The following PRSS38 variants were observed in gnomAD, a reference collection of about 807,000 sequenced individuals.
The protein encoded by PRSS38 is marapsin 2.
A neutral mutation model predicts 26.8 loss-of-function variants in PRSS38; 22 were observed. That is an observed-to-expected ratio of 0.82 (90% CI 0.59 to 1.17). The LOEUF (loss-of-function observed/expected upper bound fraction) is 1.17. Among genes scored for constraint, PRSS38 ranks in the 50% most tolerant of loss-of-function variants. The pLI, the probability that PRSS38 is intolerant of heterozygous loss-of-function variation, is 0.00. For synonymous variants in PRSS38, 175 were observed against 172.1 expected (o/e 1.02, Z -0.13); for missense variants, 427 against 422.7 (o/e 1.01, Z -0.09).
chr1:227,815,726 C>A, exon 1 of PRSS38: 1 of 1,591,436 alleles, frequency 6.3e-7, no homozygotes, highest in Non-Finnish European at 8.6e-7. Flanking sequence ...CATGGCTGCC[C>A]CTGCTTCCGT....
At chr1:227,823,509 A>G (rs1157886096) in intron 3 of PRSS38, among the ~76,000 whole-genome samples, 1 of 152,086 alleles carries the variant, frequency 6.6e-6, no homozygotes, top group Non-Finnish European at 1.5e-5. Flanking sequence ...CTCATGTTAA[A>G]ATGTGCTCCC....
At chr1:227,817,583 T>C in intron 3 of PRSS38, 103 bp downstream of exon 3, 1 of 1,143,746 alleles carries the variant, frequency 8.7e-7, no homozygotes, top group Non-Finnish European at 1.3e-6. Flanking sequence ...GTTTGGGGAC[T>C]GGAATCCCCA....
At chr1:227,833,536 A>G (rs994120581) in intron 3 of PRSS38, among the ~76,000 whole-genome samples, 2 of 152,164 alleles carry the variant, frequency 1.3e-5, no homozygotes, top group Non-Finnish European at 2.9e-5. Context: ...TCAAAAAAAA[A>G]AAGCAACGTT....
At chr1:227,844,713 A>C (rs1396164772) in intron 3 of PRSS38, among the ~76,000 whole-genome samples, 8 of 114,274 alleles carry the variant, frequency 7.0e-5, no homozygotes, top group African/African-American at 1.4e-4. Flanking sequence ...AGGACTCCTC[A>C]CTGTGTGATG....
chr1:227,839,704 C>T (rs1050495122), intron 3 of PRSS38, among the ~76,000 whole-genome samples: 15 of 152,140 alleles, frequency 9.9e-5, no homozygotes, highest in African/African-American at 3.1e-4. Flanking sequence ...CTGACATCCT[C>T]GATGTGCCAC....
At chr1:227,845,999 T>C (rs1041087851) in exon 5 of PRSS38, 2 of 1,614,198 alleles carry the variant, frequency 1.2e-6, no homozygotes, top group Non-Finnish European at 1.7e-6. Context: ...CCGCAGCTGG[T>C]TGCAGATTGG....
rs747882982 is a variant in PRSS38 at position 227,845,499 on chromosome 1, C to T, written c.613C>T (p.Gln205Ter). 8.1e-6 allele frequency: 13 copies of T among 1,612,192 alleles called. No homozygotes were observed. Among genetic ancestry groups the T allele is most frequent in the Non-Finnish European group, 9.3e-6 (11 of 1,179,332 alleles). Residue 205 changes from glutamine (Q) to a stop codon, truncating the protein, a stop_gained, in exon 4 of 5, where the codon CAG becomes TAG. Coordinates refer to ENST00000366757, the Ensembl canonical transcript of PRSS38. LOFTEE classifies it high-confidence loss of function. ...GACCTCAGACGAGCTGCAGGAGATG[C>T]AGCTCCCGCTGATCCTGGAGCCCTG...
chr1:227,834,529 C>A (rs1056010482), intron 3 of PRSS38, among the ~76,000 whole-genome samples: 1 of 151,982 alleles, frequency 6.6e-6, no homozygotes, highest in Admixed American at 6.6e-5. Flanking sequence ...ATTAGCCGGG[C>A]GTGGTGGTGT....
In PRSS38 at chr1:227,834,820, C is replaced by T. The variant is rs368472965; in HGVS notation, c.584-10650C>T. ...ACTCCAGCCTAGGTAGGTAACAGAC[C>T]TAAATTGTCTCAAAAAAAATTGATA... On this transcript the variant is annotated intron_variant, in intron 3 of 4. Coordinates refer to ENST00000366757, the Ensembl canonical transcript of PRSS38. Among the ~76,000 whole-genome samples, 80 of 152,086 alleles carry T rather than the reference C, an allele frequency of 5.3e-4. 2 individuals are homozygous for T. The South Asian group carries it at 0.017, about 32-fold the overall frequency.
At chr1:227,836,426 G>A (rs1300393934) in intron 3 of PRSS38, among the ~76,000 whole-genome samples, 55 of 3,924 alleles carry the variant, frequency 0.014, 24 homozygotes, top group Non-Finnish European at 0.034. Flanking sequence ...GGTGGCTCAC[G>A]CCTGTAATCC....
In PRSS38 at chr1:227,816,331, G is replaced by C; in HGVS notation, c.311+79G>C. ...CCACAGCGGCTTGGATGGACCCCAC[G>C]CAAGCCTCCCCCATCACCATTGTCG... On this transcript the variant is annotated intron_variant, in intron 2 of 4. Transcript: ENST00000366757. The surrounding 1 kb of genome is among the most constrained non-coding windows in gnomAD (Gnocchi z 5.1). 1.4e-6 allele frequency: 2 copies of C among 1,423,848 alleles called. No homozygotes were observed. The highest frequency in any genetic ancestry group is 9.6e-7 in the Non-Finnish European group (1 of 1,037,822). The allele number at this position is 1,423,848 out of a possible 1,614,324, so 88.2% of individuals were successfully genotyped here.
chr1:227,832,905 G>A (rs1273850799), intron 3 of PRSS38, among the ~76,000 whole-genome samples: 1 of 151,966 alleles, frequency 6.6e-6, no homozygotes, highest in Non-Finnish European at 1.5e-5. Context: ...AATTCAAAAA[G>A]GAAATTAAGA....
At chr1:227,839,550 T>G (rs1665286695) in intron 3 of PRSS38, among the ~76,000 whole-genome samples, 1 of 152,196 alleles carries the variant, frequency 6.6e-6, no homozygotes, top group Non-Finnish European at 1.5e-5. Flanking sequence ...AACAAATTTT[T>G]AAAAGGTCTT....
intron 3 of PRSS38, among the ~76,000 whole-genome samples, chr1:227,829,090 A>G (rs760869796): frequency 4.6e-5 from 7 of 152,176 alleles, no homozygotes; most frequent in East Asian, 3.9e-4. Flanking sequence ...TTCATTCTCT[A>G]TGGGTGGACC....
At position 227,816,113 on chromosome 1, in the gene PRSS38, G is replaced by A. The variant is rs141646608; in HGVS notation, c.172G>A (p.Gly58Arg). Residue 58 changes from glycine (G) to arginine (R), a missense_variant, in exon 2 of 5, where the codon GGG becomes AGG. By Grantham distance (125) the Gly-to-Arg change is moderately radical. Transcript: ENST00000366757. This position sits in a 1 kb window ranked among gnomAD's most constrained non-coding sequence, Gnocchi z 5.1. ...AGCCTGTGGTCGGCCCAGCATGGAG[G>A]GGAAAATCCTGGGCGGCGTCCCTGC... The A allele has an allele frequency of 1.3e-5, 21 of 1,613,342 alleles. No homozygotes were observed. Among genetic ancestry groups the A allele is most frequent in the Non-Finnish European group, 8.5e-7 (1 of 1,179,824 alleles).
In PRSS38 at chr1:227,816,504, A is replaced by G. The variant is rs1664920842; in HGVS notation, c.311+252A>G. ...GAGTGATGCTGGTCCCCAAGATCAC[A>G]GCCAGGTCCTCATATGCAAGGCTGA... On this transcript the variant is annotated intron_variant, in intron 2 of 4. Coordinates refer to ENST00000366757, the Ensembl canonical transcript of PRSS38. This position sits in a 1 kb window ranked among gnomAD's most constrained non-coding sequence, Gnocchi z 5.1. Among the ~76,000 whole-genome samples, 1 of 151,818 alleles carries G rather than the reference A, an allele frequency of 6.6e-6. No homozygotes were observed. Among genetic ancestry groups the G allele is most frequent in the African/African-American group, 2.4e-5 (1 of 41,338 alleles).
At chr1:227,829,660 G>A (rs937100000) in intron 3 of PRSS38, among the ~76,000 whole-genome samples, 1 of 152,128 alleles carries the variant, frequency 6.6e-6, no homozygotes, top group African/African-American at 2.4e-5. Context: ...GCATATTGAA[G>A]TACACTTGAT....
intron 3 of PRSS38, among the ~76,000 whole-genome samples, chr1:227,826,804 T>A (rs1665080499): frequency 6.6e-6 from 1 of 152,204 alleles, no homozygotes; most frequent in South Asian, 2.1e-4. Flanking sequence ...CCATTCAGTA[T>A]GATATTGGCT....
In PRSS38 at chr1:227,817,455, G is replaced by A. The variant is rs139000968; in HGVS notation, c.558G>A (p.Thr186=). 122 of 1,614,174 alleles carry A rather than the reference G, an allele frequency of 7.6e-5. No individual in the cohort carries two copies. In the African/African-American group the frequency reaches 8.4e-4, roughly 11 times the overall value. ...TTACCAGTGCCAATTGCTGGGCTAC[G>A]GGATGGGGACTAGTCTCAAAACAAG... is the stretch of plus-strand genomic sequence containing the variant. Residue 186 remains threonine (T), a synonymous_variant, in exon 3 of 5, where the codon ACG becomes ACA. Transcript: ENST00000366757.
Sources: allele counts gnomAD v4.1 joint callset (sites outside exome capture counted in the v4.1 genomes callset), GRCh38; gene constraint gnomAD v4.1.1; non-coding constraint Gnocchi (gnomAD v3.1); transcripts MANE v1.5; gene names NCBI Gene and HGNC (gene_info 2026-07-23, HGNC 2026-07-21).